CLMN: variants seen among roughly 807,000 people sequenced by gnomAD.
The protein encoded by CLMN is calmin.
Under a neutral mutation model 92.7 loss-of-function variants are expected in CLMN, and 57 were observed. The ratio of observed to expected loss-of-function variants is 0.61; its 90% CI spans 0.50 to 0.77. The LOEUF (loss-of-function observed/expected upper bound fraction) is 0.77. Ranked by LOEUF, CLMN falls within the 30% of genes least tolerant of loss-of-function variation. The pLI is 0.00. For synonymous variants in CLMN, 466 were observed against 470.6 expected (o/e 0.99, Z 0.13); for missense variants, 1,158 against 1,237.5 (o/e 0.94, Z 0.96).
intron 1 of CLMN, among the ~76,000 whole-genome samples, chr14:95,317,182 C>A (rs1441276474): frequency 6.6e-6 from 1 of 152,194 alleles, no homozygotes; most frequent in Non-Finnish European, 1.5e-5. Flanking sequence ...CTAAGCTCGG[C>A]GTGGAGCACC....
intron 1 of CLMN, among the ~76,000 whole-genome samples, chr14:95,302,152 T>G (rs961653176): frequency 2.6e-5 from 4 of 151,912 alleles, no homozygotes; most frequent in Admixed American, 6.6e-5. Context: ...ACAAAAAAAT[T>G]AGTGGGGCAT....
intron 1 of CLMN, among the ~76,000 whole-genome samples, chr14:95,285,156 A>G (rs546134979): frequency 2.6e-5 from 4 of 152,306 alleles, no homozygotes; most frequent in African/African-American, 9.6e-5. Context: ...CCACCACCAT[A>G]TAAGAAGTGC....
At chr14:95,301,618 C>A (rs1219598686) in intron 1 of CLMN, among the ~76,000 whole-genome samples, 1 of 152,234 alleles carries the variant, frequency 6.6e-6, no homozygotes, top group Non-Finnish European at 1.5e-5. Flanking sequence ...ATCCCCAGGT[C>A]TGCTGCCCAC....
intron 1 of CLMN, among the ~76,000 whole-genome samples, chr14:95,298,103 C>A (rs982047521): frequency 4.6e-5 from 7 of 152,130 alleles, no homozygotes; most frequent in African/African-American, 1.7e-4. Context: ...TCACAGAATT[C>A]TCGACTCTCC....
chr14:95,288,830 C>G (rs1260929086), intron 1 of CLMN, among the ~76,000 whole-genome samples: 3 of 152,178 alleles, frequency 2.0e-5, no homozygotes, highest in African/African-American at 7.2e-5. Context: ...AACAGGAGAA[C>G]AGACATGGTA....
At chr14:95,276,127 C>T (rs547008563) in intron 1 of CLMN, among the ~76,000 whole-genome samples, 54 of 152,306 alleles carry the variant, frequency 3.5e-4, no homozygotes, top group Non-Finnish European at 4.1e-4. Context: ...TGAGGAGACC[C>T]CTGACTCAAA....
At chr14:95,265,413 C>T (rs1005989756) in intron 1 of CLMN, among the ~76,000 whole-genome samples, 13 of 152,192 alleles carry the variant, frequency 8.5e-5, no homozygotes, top group African/African-American at 3.1e-4. Flanking sequence ...TTCCTTGCGT[C>T]TCCAGCCTGC....
At chr14:95,281,854 A>C (rs1847973476) in intron 1 of CLMN, among the ~76,000 whole-genome samples, 1 of 152,236 alleles carries the variant, frequency 6.6e-6, no homozygotes, top group Non-Finnish European at 1.5e-5. Context: ...TATTGTCAGA[A>C]GTCACAGTTC....
chr14:95,271,513 C>T (rs987095331), intron 1 of CLMN, among the ~76,000 whole-genome samples: 3 of 152,182 alleles, frequency 2.0e-5, no homozygotes, highest in African/African-American at 7.2e-5. Context: ...TCTGAAGATA[C>T]AAATGATGAT....
At chr14:95,291,322 G>A (rs1410285419) in intron 1 of CLMN, among the ~76,000 whole-genome samples, 1 of 152,184 alleles carries the variant, frequency 6.6e-6, no homozygotes, top group Non-Finnish European at 1.5e-5. Context: ...GCGATGGCCT[G>A]TAAACAGATT....
At chr14:95,210,995 G>T in intron 6 of CLMN, 116 bp from the exon 7 acceptor site, 1 of 1,027,590 alleles carries the variant, frequency 9.7e-7, no homozygotes, top group Non-Finnish European at 1.4e-6. Flanking sequence ...TGCCGACCTC[G>T]CCAGGTGAAG....
chr14:95,272,326 T>G (rs1899743953), intron 1 of CLMN, among the ~76,000 whole-genome samples: 1 of 150,336 alleles, frequency 6.7e-6, no homozygotes, highest in East Asian at 2.0e-4. Context: ...AGGAGGAGGG[T>G]ATTAGAGGGA....
chr14:95,243,276 T>C (rs186900763), intron 1 of CLMN, among the ~76,000 whole-genome samples: 67 of 151,636 alleles, frequency 4.4e-4, no homozygotes, highest in Non-Finnish European at 8.7e-4. Flanking sequence ...GTTTGCATTC[T>C]CTTTACTGTT....
chr14:95,252,232 A>G (rs1451025822), intron 1 of CLMN, among the ~76,000 whole-genome samples: 1 of 152,164 alleles, frequency 6.6e-6, no homozygotes, highest in Admixed American at 6.5e-5. Context: ...GGCCCTCAGA[A>G]CCAGGCTGCC....
At chr14:95,216,496 C>A (rs559991911) in intron 4 of CLMN, among the ~76,000 whole-genome samples, 4 of 152,112 alleles carry the variant, frequency 2.6e-5, no homozygotes, top group African/African-American at 9.7e-5. Flanking sequence ...CATTCTTTTC[C>A]AAGAGAGATG....
chr14:95,306,266 C>T (rs190549466), intron 1 of CLMN, among the ~76,000 whole-genome samples: 1 of 152,140 alleles, frequency 6.6e-6, no homozygotes, highest in Non-Finnish European at 1.5e-5. Flanking sequence ...AATCTCAGCA[C>T]TTTGGGAAGC....
chr14:95,319,832 C>CGGCGGGCTCGGAGAGCCTGGCT lies in CLMN; in HGVS notation c.-41_-40insAGCCAGGCTCTCCGAGCCCGCC. 8.0e-7 allele frequency: 1 copy of CGGCGGGCTCGGAGAGCCTGGCT among 1,244,526 alleles called. No homozygotes were observed. The highest frequency in any genetic ancestry group is 1.0e-6 in the Non-Finnish European group (1 of 982,296). The allele number at this position is 1,244,526 out of a possible 1,614,324, so 77.1% of individuals were successfully genotyped here. A position where few individuals can be genotyped will look rare whatever the true frequency, so the allele number is the denominator to read the frequency against. On this transcript the variant is annotated 5_prime_UTR_variant, in exon 1 of 13. Transcript: ENST00000298912. ...AGAGCCCGGGCCAGCGCGGCGCGGG[C>CGGCGGGCTCGGAGAGCCTGGCT]GGCGGGCGCGGAGAGCCTGGCTGGC...
chr14:95,210,500 T>C (rs1266413705), intron 7 of CLMN, among the ~76,000 whole-genome samples, 186 bp downstream of exon 7: 2 of 152,184 alleles, frequency 1.3e-5, no homozygotes, highest in Non-Finnish European at 2.9e-5. Context: ...ATAACAATTA[T>C]GTAAAAATAT....
chr14:95,278,112 A>T (rs568991310), intron 1 of CLMN, among the ~76,000 whole-genome samples: 19 of 152,200 alleles, frequency 1.2e-4, no homozygotes, highest in Non-Finnish European at 1.9e-4. Context: ...ATCTCATTTT[A>T]AAAAAAAGTG....
Sources: allele counts gnomAD v4.1 joint callset (sites outside exome capture counted in the v4.1 genomes callset), GRCh38; gene constraint gnomAD v4.1.1; transcripts MANE v1.5; gene names NCBI Gene and HGNC (gene_info 2026-07-23, HGNC 2026-07-21).